PTPRG: variants seen among roughly 807,000 people sequenced by gnomAD.
PTPRG encodes receptor-type tyrosine-protein phosphatase gamma.
A neutral mutation model predicts 165.3 loss-of-function variants in PTPRG; 102 were observed. The observed-to-expected ratio is 0.62, with a 90% CI of 0.53 to 0.73. The LOEUF (loss-of-function observed/expected upper bound fraction) is 0.73, where lower values mean the gene tolerates loss of function less well. Ranked by LOEUF, PTPRG falls within the 30% of genes least tolerant of loss-of-function variation. PTPRG has a pLI of 0.00. For synonymous variants in PTPRG, 675 were observed against 669.5 expected (o/e 1.01, Z -0.13); for missense variants, 1,866 against 1,861.4 (o/e 1.00, Z -0.05).
At chr3:61,605,434 T>G (rs997318948) in intron 1 of PTPRG, among the ~76,000 whole-genome samples, 1 of 151,864 alleles carries the variant, frequency 6.6e-6, no homozygotes, top group Non-Finnish European at 1.5e-5. Flanking sequence ...TTTTGTGTTT[T>G]TAATAGAGAC....
At chr3:61,632,301 C>T (rs1559532391) in intron 1 of PTPRG, among the ~76,000 whole-genome samples, 1 of 140,238 alleles carries the variant, frequency 7.1e-6, no homozygotes, top group Non-Finnish European at 1.5e-5. Context: ...AGAGTGAGAC[C>T]CTGTTACACA....
intron 2 of PTPRG, among the ~76,000 whole-genome samples, chr3:61,846,964 A>G (rs865794977): frequency 2.0e-5 from 3 of 152,168 alleles, no homozygotes; most frequent in Non-Finnish European, 2.9e-5. Flanking sequence ...TGTCTAGTAC[A>G]GTAACCACTA....
chr3:62,093,213 A>G (rs1368629426), intron 5 of PTPRG, among the ~76,000 whole-genome samples: 1 of 152,212 alleles, frequency 6.6e-6, no homozygotes, highest in Non-Finnish European at 1.5e-5. Flanking sequence ...ATTGCCCTCC[A>G]TCCCGGCTCC....
At chr3:61,899,549 C>T (rs1339549947) in intron 2 of PTPRG, among the ~76,000 whole-genome samples, 1 of 152,098 alleles carries the variant, frequency 6.6e-6, no homozygotes, top group Non-Finnish European at 1.5e-5. Context: ...TTCAGTCTTG[C>T]TTGGAACATT....
intron 1 of PTPRG, among the ~76,000 whole-genome samples, chr3:61,661,545 G>A (rs749161271): frequency 1.3e-4 from 19 of 151,990 alleles, no homozygotes; most frequent in Non-Finnish European, 2.4e-4. Context: ...CTGTACCTAC[G>A]CTGAGCCATT....
At chr3:62,086,997 A>T (rs1448953798) in intron 5 of PTPRG, among the ~76,000 whole-genome samples, 1 of 152,234 alleles carries the variant, frequency 6.6e-6, no homozygotes, top group East Asian at 1.9e-4. Flanking sequence ...ACCATGTGAA[A>T]ATCTATTTAA....
chr3:62,030,897 C>T (rs1699748637), intron 4 of PTPRG, among the ~76,000 whole-genome samples: 1 of 152,160 alleles, frequency 6.6e-6, no homozygotes, highest in Non-Finnish European at 1.5e-5. Context: ...AAATCTAAAG[C>T]AGATGCTTTA....
chr3:61,613,139 A>T (rs894350001), intron 1 of PTPRG, among the ~76,000 whole-genome samples: 2 of 152,232 alleles, frequency 1.3e-5, no homozygotes, highest in Admixed American at 1.3e-4. Flanking sequence ...TCAAAAGCCT[A>T]GTAGAATCCT....
intron 1 of PTPRG, among the ~76,000 whole-genome samples, chr3:61,678,548 C>T (rs1054041721): frequency 1.1e-4 from 17 of 152,106 alleles, no homozygotes; most frequent in African/African-American, 2.4e-4. Flanking sequence ...TCTGTCTTTG[C>T]ATCTTTGATT....
chr3:61,882,191 G>A (rs951447060), intron 2 of PTPRG, among the ~76,000 whole-genome samples: 1 of 152,186 alleles, frequency 6.6e-6, no homozygotes, highest in African/African-American at 2.4e-5. Flanking sequence ...TATAGTTAAA[G>A]AGTATTGGGG....
rs72298352 is a variant in PTPRG, at chr3:61,921,117, C to CTCCTTCCTTCCTTCCTTCCTTCCTTCCT, written c.191-68489_191-68462dup. 2.1e-3 allele frequency among the ~76,000 whole-genome samples: 317 copies of CTCCTTCCTTCCTTCCTTCCTTCCTTCCT among 148,604 alleles called. 1 individual carries two copies. Among genetic ancestry groups the CTCCTTCCTTCCTTCCTTCCTTCCTTCCT allele is most frequent in the African/African-American group, 7.1e-3 (284 of 39,868 alleles). Reference sequence around the variant, plus strand: ...CTTCCATCCATCTCCTTCCATCCATCTCCTTCCTTCCTTCCTTCCTTCCTT... The same window carrying CTCCTTCCTTCCTTCCTTCCTTCCTTCCT: ...CTTCCATCCATCTCCTTCCATCCATCTCCTTCCTTCCTTCCTTCCTTCCTTCCTTCCTTCCTTCCTTCCTTCCTTCCTT... On this transcript the variant is annotated intron_variant, in intron 2 of 29. Transcript: ENST00000474889.
intron 1 of PTPRG, among the ~76,000 whole-genome samples, chr3:61,694,008 C>CAAA (rs1163062978): frequency 2.4e-4 from 16 of 65,492 alleles, no homozygotes; most frequent in African/African-American, 7.2e-4. Flanking sequence ...ACTCCATCTC[C>CAAA]AAAAAAAAAA....
Position 62,296,346 on chromosome 3 carries a change from CAT to C in PTPRG, c.*3041_*3042del, listed in dbSNP as rs1211208144. The stretch of plus-strand genomic sequence containing the variant: ...TGTTGGAGTTTTTAGCCCAGAGTGA[CAT>C]ACTGAAATCAGTAAATAATTATTTT... On this transcript the variant is annotated 3_prime_UTR_variant, in exon 30 of 30. Coordinates refer to ENST00000474889, the MANE Select transcript of PTPRG (RefSeq NM_002841.4). 1 of 151,962 alleles carries C rather than the reference CAT, an allele frequency of 6.6e-6. No homozygotes were observed. Among genetic ancestry groups the C allele is most frequent in the African/African-American group, 2.4e-5 (1 of 41,396 alleles). 9.4% of individuals were successfully genotyped at this position (151,962 alleles called of 1,614,324 possible).
intron 4 of PTPRG, among the ~76,000 whole-genome samples, chr3:62,041,696 C>G (rs1466409513): frequency 6.6e-6 from 1 of 152,080 alleles, no homozygotes; most frequent in African/African-American, 2.4e-5. Flanking sequence ...TTTCCACCTG[C>G]AAAATCTTCT....
chr3:62,024,727 C>T (rs573631245), intron 4 of PTPRG, among the ~76,000 whole-genome samples: 6 of 152,178 alleles, frequency 3.9e-5, no homozygotes, highest in African/African-American at 1.4e-4. Context: ...TTCTGCAACC[C>T]CTAATGTGTT....
At chr3:62,235,334 C>T (rs1423984639) in intron 14 of PTPRG, among the ~76,000 whole-genome samples, 2 of 152,140 alleles carry the variant, frequency 1.3e-5, no homozygotes, top group Non-Finnish European at 2.9e-5. Flanking sequence ...AGACAGACAC[C>T]TTAAAGCCCC....
In PTPRG at chr3:62,296,350, C is replaced by A. The variant is rs576724363; in HGVS notation, c.*3043C>A. 3.2e-4 allele frequency: 48 copies of A among 151,982 alleles called. No homozygotes were observed. Among genetic ancestry groups the A allele is most frequent in the African/African-American group, 1.2e-3 (48 of 41,492 alleles). 9.4% of individuals were successfully genotyped at this position (151,982 alleles called of 1,614,324 possible). A position where few individuals can be genotyped will look rare whatever the true frequency, so the allele number is the denominator to read the frequency against. On this transcript the variant is annotated 3_prime_UTR_variant, in exon 30 of 30. Coordinates refer to ENST00000474889, the MANE Select transcript of PTPRG (RefSeq NM_002841.4). Reference sequence around the variant, plus strand: ...GGAGTTTTTAGCCCAGAGTGACATACTGAAATCAGTAAATAATTATTTTAT... The same window carrying A: ...GGAGTTTTTAGCCCAGAGTGACATAATGAAATCAGTAAATAATTATTTTAT...
intron 4 of PTPRG, among the ~76,000 whole-genome samples, chr3:62,016,839 G>A (rs2041557051): frequency 6.6e-6 from 1 of 152,026 alleles, no homozygotes; most frequent in Non-Finnish European, 1.5e-5. Context: ...TCTTTTCACT[G>A]GCTTTGTTCT....
Position 62,192,393 on chromosome 3 carries a change from C to CTTTTTTTTT in PTPRG, c.1218+765_1218+773dup, listed in dbSNP as rs71123255. ...ATAAAGCAAACTCCACAACTACTGT[C>CTTTTTTTTT]TTTTTTTTTTTTTTTTTTTTTTTTT... On this transcript the variant is annotated intron_variant, in intron 9 of 29. Coordinates refer to ENST00000474889, the MANE Select transcript of PTPRG (RefSeq NM_002841.4). 1.1e-3 allele frequency among the ~76,000 whole-genome samples: 58 copies of CTTTTTTTTT among 52,620 alleles called. 4 individuals carry two copies. Among genetic ancestry groups the CTTTTTTTTT allele is most frequent in the East Asian group, 1.6e-3 (2 of 1,268 alleles). 34.5% of individuals were successfully genotyped at this position (52,620 alleles called of 152,430 possible).
Sources: gnomAD v4.1 joint callset for allele counts (sites outside exome capture counted in the v4.1 genomes callset) on GRCh38, gnomAD v4.1.1 for gene constraint, MANE v1.5 for transcripts, NCBI Gene and HGNC (gene_info 2026-07-23, HGNC 2026-07-21) for gene names.